The following RANBP2 variants were observed in gnomAD, a reference collection of about 807,000 sequenced individuals.
The protein encoded by RANBP2 is E3 SUMO-protein ligase RanBP2.
Under a neutral mutation model 303.6 loss-of-function variants are expected in RANBP2, and 57 were observed. That is an observed-to-expected ratio of 0.19 (90% CI 0.15 to 0.23). RANBP2 has a LOEUF of 0.23. Ranked by LOEUF, RANBP2 falls within the 10% of genes least tolerant of loss-of-function variation. RANBP2 has a pLI of 1.00. For synonymous variants in RANBP2, 1,167 were observed against 1,301.5 expected, an observed-to-expected ratio of 0.90 and a Z score of 2.23; for missense variants, 3,138 against 3,780.8, an observed-to-expected ratio of 0.83 and a Z score of 4.46.
the RANBP2 span, among the ~76,000 whole-genome samples, chr2:109,020,001 G>T: frequency 6.6e-6 from 1 of 152,190 alleles, no homozygotes; most frequent in Non-Finnish European, 1.5e-5. Context: ...GTGAAAAAGT[G>T]GGGGTGAAGT....
the RANBP2 span, among the ~76,000 whole-genome samples, chr2:109,200,320 G>T: frequency 6.6e-6 from 1 of 152,144 alleles, no homozygotes; most frequent in East Asian, 1.9e-4. Flanking sequence ...AGACCCTGCC[G>T]CAGAACTCAC....
chr2:109,068,200 C>T, the RANBP2 span, among the ~76,000 whole-genome samples: 6 of 152,334 alleles, frequency 3.9e-5, no homozygotes, highest in Non-Finnish European at 4.4e-5. Context: ...CATCTTTTCG[C>T]GGAACTGTTC....
rs1279654217 is a variant in RANBP2, at chr2:108,768,351, A to G, written c.7812A>G (p.Glu2604=). The G allele has an allele frequency of 6.2e-7, 1 of 1,611,916 alleles. No homozygotes were observed. Among genetic ancestry groups the G allele is most frequent in the African/African-American group, 1.3e-5 (1 of 74,990 alleles). Residue 2604 remains glutamate (E), a synonymous_variant, in exon 20 of 29, where the codon GAA becomes GAG. Coordinates refer to ENST00000283195, the MANE Select transcript of RANBP2 (RefSeq NM_006267.5). ...TCTTTGCTTCCTTTCCAACGGAAGA[A>G]TCTTCAATCAACTACACATTTAAAA... ...KNLFASFPTE[E]SSINYTFKTP...
At chr2:108,913,241 G>A in the RANBP2 span, among the ~76,000 whole-genome samples, 5 of 152,018 alleles carry the variant, frequency 3.3e-5, no homozygotes, top group Non-Finnish European at 4.4e-5. Context: ...GAGCCACCGC[G>A]CCCGGCTGGT....
In RANBP2 at chr2:108,766,521, T is replaced by G. The variant is rs1172411358; in HGVS notation, c.5982T>G (p.Gly1994=). Reference sequence around the variant, plus strand: ...TGGCCAATAAAGCAAACACTTCCGGTGACTTTGAGAAAGATGATGATGCCT... The same window carrying G: ...TGGCCAATAAAGCAAACACTTCCGGGGACTTTGAGAAAGATGATGATGCCT... ...GKMANKANTS[G]DFEKDDDAYK... is the part of the protein sequence containing the mutation. The change falls in exon 20 of 29, where the codon GGT becomes GGG. Residue 1994 remains glycine, a synonymous_variant. Coordinates refer to ENST00000283195, the MANE Select transcript of RANBP2 (RefSeq NM_006267.5). 1.2e-6 allele frequency: 2 copies of G among 1,611,834 alleles called. No individual in the cohort carries two copies. Among genetic ancestry groups the G allele is most frequent in the Non-Finnish European group, 1.7e-6 (2 of 1,179,848 alleles).
chr2:109,431,790 G>C, the RANBP2 span, among the ~76,000 whole-genome samples: 2 of 152,090 alleles, frequency 1.3e-5, no homozygotes, highest in African/African-American at 4.8e-5. Context: ...AGGATCACTT[G>C]AGCCCAGGCC....
chr2:108,752,692 C>G (rs1675995113), intron 12 of RANBP2, among the ~76,000 whole-genome samples: 1 of 149,348 alleles, frequency 6.7e-6, no homozygotes, highest in South Asian at 2.1e-4. Context: ...ACTTGGGAGG[C>G]TGAGGCAAGA....
chr2:109,102,420 G>T, the RANBP2 span, among the ~76,000 whole-genome samples: 3 of 100,314 alleles, frequency 3.0e-5, no homozygotes, highest in African/African-American at 1.0e-4. Flanking sequence ...ATTTTTAAAA[G>T]AATTCCGCTT....
the RANBP2 span, among the ~76,000 whole-genome samples, chr2:109,686,299 T>A: frequency 6.6e-6 from 1 of 152,146 alleles, no homozygotes; most frequent in African/African-American, 2.4e-5. Flanking sequence ...AAATCATGTT[T>A]AAGTCAATTG....
chr2:109,567,864 T>C, the RANBP2 span: 3 of 1,613,180 alleles, frequency 1.9e-6, no homozygotes, highest in African/African-American at 4.0e-5. Flanking sequence ...CGTTGGGAAC[T>C]GGTATATCTG....
At chr2:109,414,099 C>T in the RANBP2 span, among the ~76,000 whole-genome samples, 1 of 152,330 alleles carries the variant, frequency 6.6e-6, no homozygotes, top group South Asian at 2.1e-4. Flanking sequence ...TGGGCTGCCC[C>T]ATCTTGGCCT....
the RANBP2 span, among the ~76,000 whole-genome samples, chr2:109,224,117 A>G: frequency 1.3e-5 from 2 of 152,166 alleles, no homozygotes; most frequent in African/African-American, 4.8e-5. Context: ...CACAAAAAGA[A>G]ACTGAGGCCT....
At chr2:109,338,432 CT>C in the RANBP2 span, among the ~76,000 whole-genome samples, 559 of 145,150 alleles carry the variant, frequency 3.9e-3, 2 homozygotes, top group East Asian at 0.021. Flanking sequence ...CTTAGGGAAA[CT>C]TTTTTTTTTT....
the RANBP2 span, among the ~76,000 whole-genome samples, chr2:109,145,817 A>C: frequency 6.6e-6 from 1 of 152,278 alleles, no homozygotes; most frequent in East Asian, 1.9e-4. Flanking sequence ...TGTAGTGGCC[A>C]GTGGCAATGC....
the RANBP2 span, among the ~76,000 whole-genome samples, chr2:109,001,718 TTG>T: frequency 6.6e-5 from 10 of 152,236 alleles, no homozygotes; most frequent in Middle Eastern, 3.4e-3. Flanking sequence ...TGAAGTTTTT[TTG>T]TGTTTTTGTT....
At chr2:109,097,948 C>G in the RANBP2 span, among the ~76,000 whole-genome samples, 1 of 152,146 alleles carries the variant, frequency 6.6e-6, no homozygotes, top group Non-Finnish European at 1.5e-5. Context: ...GACCAGGCTG[C>G]AGTAGGGCTT....
chr2:109,690,372 G>C, the RANBP2 span, among the ~76,000 whole-genome samples: 2 of 152,190 alleles, frequency 1.3e-5, no homozygotes, highest in Non-Finnish European at 2.9e-5. Context: ...ACAAATGGTT[G>C]CATTCTTTTG....
At chr2:108,771,519 C>G (rs531450116) in intron 20 of RANBP2, among the ~76,000 whole-genome samples, 182 bp from the exon 21 acceptor site, 188 of 152,202 alleles carry the variant, frequency 1.2e-3, no homozygotes, top group Non-Finnish European at 1.9e-3. Flanking sequence ...TGGTAGAACA[C>G]TAAATCAGGA....
At chr2:109,024,734 G>T in the RANBP2 span, among the ~76,000 whole-genome samples, 11 of 152,210 alleles carry the variant, frequency 7.2e-5, no homozygotes, top group African/African-American at 2.7e-4. Flanking sequence ...AGTCTTGGAC[G>T]TGTGCACCTG....
Sources: allele counts gnomAD v4.1 joint callset (sites outside exome capture counted in the v4.1 genomes callset), GRCh38; gene constraint gnomAD v4.1.1; transcripts MANE v1.5; gene names NCBI Gene and HGNC (gene_info 2026-07-23, HGNC 2026-07-21).